The following AGAP1 variants were observed in gnomAD, a reference collection of about 807,000 sequenced individuals.
The protein encoded by AGAP1 is ArfGAP with GTPase domain, ankyrin repeat and PH domain 1.
A neutral mutation model predicts 105.3 loss-of-function variants in AGAP1; 29 were observed. The ratio of observed to expected loss-of-function variants is 0.28; its 90% CI spans 0.21 to 0.38. The LOEUF is 0.38. AGAP1 is among the 10% of genes least tolerant of loss of function. The pLI is 1.00. For synonymous variants in AGAP1, 509 were observed against 485.9 expected (o/e 1.05, Z -0.63); for missense variants, 998 against 1,165.1 (o/e 0.86, Z 2.09).
chr2:235,799,596 AT>A lies in AGAP1; in HGVS notation c.957+75del. Reference sequence around the variant, plus strand: ...CCATTAACGTAAACCTGGTTGCCACATGGTTCAGTGGTATTTGTAGAATCTC... The same window carrying A: ...CCATTAACGTAAACCTGGTTGCCACAGGTTCAGTGGTATTTGTAGAATCTC... On this transcript the variant is annotated intron_variant, in intron 8 of 17. Transcript: ENST00000304032. The surrounding 1 kb of genome is among the most constrained non-coding windows in gnomAD (Gnocchi z 5.0). 1.3e-6 allele frequency: 2 copies of A among 1,507,810 alleles called. No homozygotes were observed. Among genetic ancestry groups the A allele is most frequent in the Non-Finnish European group, 1.8e-6 (2 of 1,094,730 alleles). The allele number at this position is 1,507,810 out of a possible 1,614,324, so 93.4% of individuals were successfully genotyped here.
chr2:235,791,401 A>C (rs1956966947), intron 6 of AGAP1, among the ~76,000 whole-genome samples: 1 of 152,000 alleles, frequency 6.6e-6, no homozygotes, highest in African/African-American at 2.4e-5. Context: ...CGAATGGAAG[A>C]TTCTTTCTTT....
intron 13 of AGAP1, among the ~76,000 whole-genome samples, chr2:236,028,773 G>C (rs1281432531): frequency 6.6e-6 from 1 of 152,176 alleles, no homozygotes; most frequent in East Asian, 1.9e-4. Context: ...CTTGTCTTGA[G>C]CATCCTGTAA....
rs2056851576 is a variant in AGAP1 at position 236,020,581 on chromosome 2, CTCTCTGTTCTTTT to C, written c.1646-15979_1646-15967del. ...GGATGCTTTCCTGGGTCTGTCCTTC[CTCTCTGTTCTTTT>C]CTTCCTCGCATGCAGACAATAAAAC... On this transcript the variant is annotated intron_variant, in intron 13 of 17. Coordinates refer to ENST00000304032, the MANE Select transcript of AGAP1 (RefSeq NM_001037131.3). The surrounding 1 kb of genome is among the most constrained non-coding windows in gnomAD (Gnocchi z 5.0). Among the ~76,000 whole-genome samples, 1 of 152,202 alleles carries C rather than the reference CTCTCTGTTCTTTT, an allele frequency of 6.6e-6. No homozygotes were observed. Among genetic ancestry groups the C allele is most frequent in the Non-Finnish European group, 1.5e-5 (1 of 68,048 alleles).
rs1454889920 is a variant in AGAP1, at chr2:235,601,599, A to G, written c.163+106750A>G. 1.3e-5 allele frequency among the ~76,000 whole-genome samples: 2 copies of G among 152,162 alleles called. No homozygotes were observed. Among genetic ancestry groups the G allele is most frequent in the African/African-American group, 2.4e-5 (1 of 41,444 alleles). On this transcript the variant is annotated intron_variant, in intron 1 of 17. Coordinates refer to ENST00000304032, the MANE Select transcript of AGAP1 (RefSeq NM_001037131.3). This position sits in a 1 kb window ranked among gnomAD's most constrained non-coding sequence, Gnocchi z 4.4. Reference sequence around the variant, plus strand: ...GACTTATTTTCTACCACAGAACAGAATAGGGGAACCCACCCCCAAGATTCA... The same window carrying G: ...GACTTATTTTCTACCACAGAACAGAGTAGGGGAACCCACCCCCAAGATTCA...
chr2:235,709,036 C>T (rs1178834276), intron 1 of AGAP1, 143 bp from the exon 2 acceptor site: 3 of 809,258 alleles, frequency 3.7e-6, no homozygotes, highest in Non-Finnish European at 6.2e-6. Flanking sequence ...ACAAACTGAT[C>T]TTTCTGGGGT....
intron 10 of AGAP1, among the ~76,000 whole-genome samples, chr2:235,903,070 G>A (rs969867775): frequency 6.6e-6 from 1 of 152,108 alleles, no homozygotes; most frequent in African/African-American, 2.4e-5. Context: ...GGCAAGTACT[G>A]TATCTGAATT....
intron 16 of AGAP1, among the ~76,000 whole-genome samples, chr2:236,094,557 G>A (rs896402319): frequency 2.6e-5 from 4 of 151,906 alleles, no homozygotes; most frequent in African/African-American, 7.3e-5. Flanking sequence ...TCACCGTGTT[G>A]TTCAGGCTGG....
chr2:235,534,717 A>G (rs999929805), intron 1 of AGAP1, among the ~76,000 whole-genome samples: 2 of 152,200 alleles, frequency 1.3e-5, no homozygotes, highest in African/African-American at 4.8e-5. Context: ...TTCCTCATTC[A>G]GGGACACGGG....
At chr2:235,641,736 C>T (rs1474235371) in intron 1 of AGAP1, among the ~76,000 whole-genome samples, 1 of 152,230 alleles carries the variant, frequency 6.6e-6, no homozygotes, top group Non-Finnish European at 1.5e-5. Flanking sequence ...TGTTACCACA[C>T]TATAGGATAT....
At position 236,128,762 on chromosome 2, in the gene AGAP1, G is replaced by C. The variant is rs538528866; in HGVS notation, c.*4640G>C. On this transcript the variant is annotated 3_prime_UTR_variant, in exon 18 of 18. Transcript: ENST00000304032. This position sits in a 1 kb window ranked among gnomAD's most constrained non-coding sequence, Gnocchi z 5.9. Reference sequence around the variant, plus strand: ...AACGATGTAGCTTCCCCTGAGATGCGGTATGATCAGGCCTCAGCAACTACT... The same window carrying C: ...AACGATGTAGCTTCCCCTGAGATGCCGTATGATCAGGCCTCAGCAACTACT... 1 of 152,182 alleles carries C rather than the reference G, an allele frequency of 6.6e-6. No individual in the cohort carries two copies. The highest frequency in any genetic ancestry group is 1.5e-5 in the Non-Finnish European group (1 of 68,050). 9.4% of individuals were successfully genotyped at this position (152,182 alleles called of 1,614,324 possible).
chr2:236,090,149 C>A lies in AGAP1; in HGVS notation c.2115-30043C>A, dbSNP rs1200105233. Reference sequence around the variant, plus strand: ...TCACAGAGACCGGCCGTGTCCTCACCCCTCTGTCACCATTGTGGGCTCCAG... The same window carrying A: ...TCACAGAGACCGGCCGTGTCCTCACACCTCTGTCACCATTGTGGGCTCCAG... On this transcript the variant is annotated intron_variant, in intron 16 of 17. Transcript: ENST00000304032. The surrounding 1 kb of genome is among the most constrained non-coding windows in gnomAD (Gnocchi z 4.3). Among the ~76,000 whole-genome samples, 1 of 152,146 alleles carries A rather than the reference C, an allele frequency of 6.6e-6. No individual in the cohort carries two copies. Among genetic ancestry groups the A allele is most frequent in the Admixed American group, 6.5e-5 (1 of 15,280 alleles).
At chr2:235,567,680 G>T (rs1226199278) in intron 1 of AGAP1, among the ~76,000 whole-genome samples, 2 of 151,562 alleles carry the variant, frequency 1.3e-5, no homozygotes, top group African/African-American at 2.4e-5. Context: ...GGGAGTGGTG[G>T]GGAGAAGGGG....
At position 235,494,859 on chromosome 2, in the gene AGAP1, G is replaced by C; in HGVS notation, c.163+10G>C. On this transcript the variant is annotated intron_variant, in intron 1 of 17. Transcript: ENST00000304032. ...GTCATCGCCATCGAAGGTGAGGGCC[G>C]GGCCGCCTTGGGGCCTCGGGAAGGC... 6.4e-7 allele frequency: 1 copy of C among 1,559,620 alleles called. No individual in the cohort carries two copies. Among genetic ancestry groups the C allele is most frequent in the Non-Finnish European group, 8.7e-7 (1 of 1,152,676 alleles).
intron 1 of AGAP1, among the ~76,000 whole-genome samples, chr2:235,613,291 C>T (rs191730948): frequency 2.0e-4 from 31 of 152,272 alleles, no homozygotes; most frequent in East Asian, 1.4e-3. Context: ...CCACTGCACC[C>T]GGCCACATTT....
intron 3 of AGAP1, chr2:235,718,535 A>T (rs1224556606): frequency 3.1e-5 from 15 of 485,934 alleles, no homozygotes; most frequent in Non-Finnish European, 3.7e-5. Flanking sequence ...CTTCAGTTGA[A>T]CATTCCACCC....
Position 235,921,888 on chromosome 2 carries a change from A to G in AGAP1, c.1325-8877A>G, listed in dbSNP as rs138041849. 5.3e-4 allele frequency among the ~76,000 whole-genome samples: 81 copies of G among 152,344 alleles called. 1 individual carries two copies. The East Asian group carries it at 0.01, about 19-fold the overall frequency. ...TTGCCAAAAGCAAGGCAGATCTCCA[A>G]TGCAAATACAGGAGCGAATGGGCCC... On this transcript the variant is annotated intron_variant, in intron 11 of 17. Coordinates refer to ENST00000304032, the MANE Select transcript of AGAP1 (RefSeq NM_001037131.3).
In AGAP1 at chr2:235,712,559, C is replaced by T. The variant is rs187458175; in HGVS notation, c.222+3322C>T. Among the ~76,000 whole-genome samples the T allele has an allele frequency of 6.3e-4, 96 of 152,340 alleles. No individual in the cohort carries two copies. Among genetic ancestry groups the T allele is most frequent in the African/African-American group, 1.8e-3 (74 of 41,580 alleles). Reference sequence around the variant, plus strand: ...CTCCAACTGGAATTTTTACTAAAAGCCTTGATTTCCTTTTCAGCAAACCTC... The same window carrying T: ...CTCCAACTGGAATTTTTACTAAAAGTCTTGATTTCCTTTTCAGCAAACCTC... On this transcript the variant is annotated intron_variant, in intron 2 of 17. Coordinates refer to ENST00000304032, the MANE Select transcript of AGAP1 (RefSeq NM_001037131.3). The surrounding 1 kb of genome is among the most constrained non-coding windows in gnomAD (Gnocchi z 6.0).
At chr2:235,718,303 T>A (rs1575216873) in intron 3 of AGAP1, 1 of 913,608 alleles carries the variant, frequency 1.1e-6, no homozygotes, top group Non-Finnish European at 1.3e-6. Flanking sequence ...TCTCTCCGTG[T>A]AACTTTGTTA....
intron 16 of AGAP1, among the ~76,000 whole-genome samples, chr2:236,115,680 A>G (rs1368427022): frequency 1.3e-5 from 2 of 152,184 alleles, no homozygotes; most frequent in Admixed American, 6.5e-5. Flanking sequence ...GCTAACAAGA[A>G]TCACGTCTGA....
Sources: allele counts gnomAD v4.1 joint callset (sites outside exome capture counted in the v4.1 genomes callset), GRCh38; gene constraint gnomAD v4.1.1; non-coding constraint Gnocchi (gnomAD v3.1); transcripts MANE v1.5; gene names NCBI Gene and HGNC (gene_info 2026-07-23, HGNC 2026-07-21).